Variants in ADGRB3 observed in about 807,000 individuals in gnomAD.
ADGRB3 encodes the protein adhesion G protein-coupled receptor B3.
ADGRB3 carries 37 observed loss-of-function variants against 193.4 expected under a neutral mutation model. The observed-to-expected ratio is 0.19, with a 90% CI of 0.15 to 0.25. The LOEUF (loss-of-function observed/expected upper bound fraction) is 0.25, where lower values mean the gene tolerates loss of function less well. Among genes scored for constraint, ADGRB3 ranks in the 10% least tolerant of loss-of-function variants. The pLI, the probability that ADGRB3 is intolerant of heterozygous loss-of-function variation, is 1.00. For synonymous variants in ADGRB3, 690 were observed against 644.2 expected, an observed-to-expected ratio of 1.07 and a Z score of -1.08; for missense variants, 1,637 against 1,852.9, an observed-to-expected ratio of 0.88 and a Z score of 2.14.
At chr6:68,882,340 T>C (rs1765755607) in intron 3 of ADGRB3, among the ~76,000 whole-genome samples, 1 of 152,188 alleles carries the variant, frequency 6.6e-6, no homozygotes, top group Non-Finnish European at 1.5e-5. Context: ...AGTATTATAC[T>C]TTCATGTATA....
intron 3 of ADGRB3, among the ~76,000 whole-genome samples, chr6:68,911,676 G>A (rs9454648): frequency 0.025 from 3,778 of 152,258 alleles, 148 homozygotes; most frequent in African/African-American, 0.085. Context: ...TTTAATTTGG[G>A]CATTTAACTC....
At chr6:69,354,801 A>G (rs1769303859) in intron 27 of ADGRB3, among the ~76,000 whole-genome samples, 1 of 152,174 alleles carries the variant, frequency 6.6e-6, no homozygotes, top group South Asian at 2.1e-4. Context: ...GATGAGAACC[A>G]CTGTTCTAAA....
chr6:68,853,202 A>C (rs1768440473), intron 3 of ADGRB3, among the ~76,000 whole-genome samples: 1 of 152,106 alleles, frequency 6.6e-6, no homozygotes, highest in Non-Finnish European at 1.5e-5. Flanking sequence ...CCAAAGCAGA[A>C]CAAATTATGA....
chr6:69,316,916 G>T (rs1304358228), intron 20 of ADGRB3, among the ~76,000 whole-genome samples: 1 of 151,484 alleles, frequency 6.6e-6, no homozygotes, highest in Non-Finnish European at 1.5e-5. Context: ...AGATTCGTAG[G>T]CTAAGAGAGT....
At chr6:69,332,034 C>T in intron 23 of ADGRB3, 3 of 985,314 alleles carry the variant, frequency 3.0e-6, no homozygotes, top group Non-Finnish European at 3.6e-6. Flanking sequence ...GGCAGCAGGG[C>T]AGGGTTACAC....
intron 17 of ADGRB3, among the ~76,000 whole-genome samples, chr6:69,199,917 G>A (rs2150357508): frequency 6.6e-6 from 1 of 151,916 alleles, no homozygotes; most frequent in East Asian, 1.9e-4. Flanking sequence ...TTATAGCCTT[G>A]TTCAAATGTT....
At chr6:68,840,067 G>C (rs1364489022) in intron 3 of ADGRB3, among the ~76,000 whole-genome samples, 4 of 152,064 alleles carry the variant, frequency 2.6e-5, no homozygotes, top group Non-Finnish European at 5.9e-5. Context: ...GTGAGTTCTG[G>C]CAAAACTCAC....
chr6:69,112,844 G>A (rs189405666), intron 17 of ADGRB3, among the ~76,000 whole-genome samples: 3 of 151,854 alleles, frequency 2.0e-5, no homozygotes, highest in Admixed American at 2.0e-4. Context: ...TGCAGCCTCC[G>A]CCTCCAAGGT....
intron 17 of ADGRB3, among the ~76,000 whole-genome samples, chr6:69,225,883 G>C (rs1287042037): frequency 6.6e-6 from 1 of 152,174 alleles, no homozygotes; most frequent in Non-Finnish European, 1.5e-5. Flanking sequence ...GTGTGATGAT[G>C]ATTTGCCTGT....
chr6:68,870,612 T>C (rs1408363020), intron 3 of ADGRB3, among the ~76,000 whole-genome samples: 1 of 152,154 alleles, frequency 6.6e-6, no homozygotes, highest in African/African-American at 2.4e-5. Context: ...ATCCCCCGAG[T>C]TATCCGACAA....
At chr6:68,910,803 C>T (rs1476978924) in intron 3 of ADGRB3, among the ~76,000 whole-genome samples, 2 of 152,264 alleles carry the variant, frequency 1.3e-5, no homozygotes, top group Non-Finnish European at 1.5e-5. Context: ...GTTTTGGTTA[C>T]TGTAGCCTTG....
intron 20 of ADGRB3, among the ~76,000 whole-genome samples, chr6:69,292,607 C>A (rs1488434278): frequency 1.3e-5 from 2 of 152,262 alleles, no homozygotes; most frequent in East Asian, 3.9e-4. Flanking sequence ...ATTTGTCAGA[C>A]TCTGCTGCCT....
intron 3 of ADGRB3, among the ~76,000 whole-genome samples, chr6:68,810,732 A>T (rs938696459): frequency 6.6e-6 from 1 of 152,190 alleles, no homozygotes; most frequent in African/African-American, 2.4e-5. Flanking sequence ...ATGAAAAAGC[A>T]TAATTAGAAA....
intron 20 of ADGRB3, among the ~76,000 whole-genome samples, chr6:69,285,640 C>T (rs1335533731): frequency 1.3e-5 from 2 of 152,044 alleles, no homozygotes; most frequent in African/African-American, 4.8e-5. Context: ...CACTGCACTC[C>T]AGCCTGGGCA....
chr6:69,092,036 A>G (rs1257771978), intron 17 of ADGRB3, among the ~76,000 whole-genome samples: 1 of 152,162 alleles, frequency 6.6e-6, no homozygotes, highest in Non-Finnish European at 1.5e-5. Context: ...CCATTTTTTA[A>G]GCTTCATCAG....
chr6:68,804,438 CAA>C (rs1324037179), intron 3 of ADGRB3, among the ~76,000 whole-genome samples: 1 of 152,124 alleles, frequency 6.6e-6, no homozygotes, highest in Non-Finnish European at 1.5e-5. Flanking sequence ...GTAGTACATG[CAA>C]TGCATTAGAA....
intron 10 of ADGRB3, among the ~76,000 whole-genome samples, chr6:68,979,518 C>G (rs1015860525): frequency 4.0e-5 from 6 of 151,496 alleles, no homozygotes; most frequent in African/African-American, 1.5e-4. Flanking sequence ...CACAAATACA[C>G]TTATCCAATT....
intron 29 of ADGRB3, among the ~76,000 whole-genome samples, chr6:69,363,752 A>G (rs1304159990): frequency 6.6e-6 from 1 of 152,034 alleles, no homozygotes; most frequent in East Asian, 1.9e-4. Flanking sequence ...CATTTTGGAA[A>G]TGGGGCTGTG....
chr6:69,235,204 A>G (rs975467577), intron 19 of ADGRB3, 69 bp downstream of exon 19: 1 of 1,163,826 alleles, frequency 8.6e-7, no homozygotes, highest in Non-Finnish European at 1.3e-6. Context: ...GGAATGTGAT[A>G]ATTATTAAAT....
Sources: allele counts gnomAD v4.1 joint callset (sites outside exome capture counted in the v4.1 genomes callset), GRCh38; gene constraint gnomAD v4.1.1; transcripts MANE v1.5; gene names NCBI Gene and HGNC (gene_info 2026-07-23, HGNC 2026-07-21).